Variants in EPHB2 observed in about 807,000 individuals in gnomAD.
EPHB2 encodes the protein ephrin type-B receptor 2.
Under a neutral mutation model 96.4 loss-of-function variants are expected in EPHB2, and 18 were observed. The observed-to-expected ratio is 0.19, with a 90% CI of 0.13 to 0.28. The LOEUF (loss-of-function observed/expected upper bound fraction) is 0.28, where lower values mean the gene tolerates loss of function less well. Ranked by LOEUF, EPHB2 falls within the 10% of genes least tolerant of loss-of-function variation. EPHB2 has a pLI of 1.00. For missense variants in EPHB2, 989 were observed against 1,355.4 expected, an observed-to-expected ratio of 0.73 and a Z score of 4.25; for synonymous variants, 506 against 534.1, an observed-to-expected ratio of 0.95 and a Z score of 0.72.
At chr1:22,840,171 A>G (rs1169809501) in intron 3 of EPHB2, among the ~76,000 whole-genome samples, 1 of 152,214 alleles carries the variant, frequency 6.6e-6, no homozygotes, top group Non-Finnish European at 1.5e-5. Context: ...TGGGAGAAAT[A>G]GTGCCAAACT....
chr1:22,887,369 T>C (rs1011059608), intron 6 of EPHB2, among the ~76,000 whole-genome samples: 6 of 152,158 alleles, frequency 3.9e-5, no homozygotes, highest in Admixed American at 3.9e-4. Flanking sequence ...TTGTGTCTGC[T>C]ATTAGATTCT....
At position 22,914,075 on chromosome 1, in the gene EPHB2, G is replaced by C; in HGVS notation, c.*505G>C. The C allele has an allele frequency of 1.6e-6, 1 of 607,356 alleles. No homozygotes were observed. The highest frequency in any genetic ancestry group is 2.7e-6 in the Non-Finnish European group (1 of 366,774). 37.6% of individuals were successfully genotyped at this position (607,356 alleles called of 1,614,324 possible). On this transcript the variant is annotated 3_prime_UTR_variant, in exon 16 of 16. Transcript: ENST00000374630. ...CAACAACCAAGCGCCTGGAGGACGG[G>C]ACAGATGGACAGACAGCCACCCTGA... is the stretch of plus-strand genomic sequence containing the variant.
intron 1 of EPHB2, among the ~76,000 whole-genome samples, chr1:22,761,741 A>G (rs1327768474): frequency 1.3e-5 from 2 of 152,140 alleles, no homozygotes; most frequent in Non-Finnish European, 1.5e-5. Context: ...GCCCAGTTGA[A>G]GCAGTTGAAG....
intron 1 of EPHB2, among the ~76,000 whole-genome samples, chr1:22,777,509 G>A (rs1347922749): frequency 6.6e-6 from 1 of 152,192 alleles, no homozygotes; most frequent in African/African-American, 2.4e-5. Context: ...GGTGGAAACA[G>A]AGCTTGGTTT....
chr1:22,833,138 G>A (rs1346715414), intron 3 of EPHB2, among the ~76,000 whole-genome samples: 1 of 151,600 alleles, frequency 6.6e-6, no homozygotes, highest in African/African-American at 2.4e-5. Context: ...CTTTTTTTGA[G>A]ACAGAGTCTC....
chr1:22,857,236 T>C (rs1024306307), intron 3 of EPHB2, among the ~76,000 whole-genome samples: 1 of 152,134 alleles, frequency 6.6e-6, no homozygotes, highest in Non-Finnish European at 1.5e-5. Flanking sequence ...ACCACACAAA[T>C]TGGCAAACAC....
chr1:22,913,682 CG>C lies in EPHB2; in HGVS notation c.*115del. ...GGGCCAGCCACTCGCCAGGAGGCCACGGGCCACGGGAAGAACCAAGCGGTGC... is the reference window on the plus strand; with the variant it reads ...GGGCCAGCCACTCGCCAGGAGGCCACGGCCACGGGAAGAACCAAGCGGTGC... On this transcript the variant is annotated 3_prime_UTR_variant, in exon 16 of 16. Coordinates refer to ENST00000374630, the MANE Select transcript of EPHB2 (RefSeq NM_017449.5). The surrounding 1 kb of genome is among the most constrained non-coding windows in gnomAD (Gnocchi z 4.1). 1 of 1,602,742 alleles carries C rather than the reference CG, an allele frequency of 6.2e-7. No individual in the cohort carries two copies. Among genetic ancestry groups the C allele is most frequent in the South Asian group, 1.1e-5 (1 of 89,422 alleles).
At chr1:22,842,321 G>A (rs1011877205) in intron 3 of EPHB2, among the ~76,000 whole-genome samples, 1 of 152,148 alleles carries the variant, frequency 6.6e-6, no homozygotes, top group Non-Finnish European at 1.5e-5. Context: ...TTCCTTTGCA[G>A]AAGGATAACA....
chr1:22,886,950 G>A (rs556073051), intron 6 of EPHB2, among the ~76,000 whole-genome samples: 10 of 152,118 alleles, frequency 6.6e-5, no homozygotes, highest in South Asian at 6.2e-4. Flanking sequence ...TTTAAAGCCC[G>A]GAGGACCCAG....
chr1:22,894,488 T>C (rs1044102050), intron 7 of EPHB2, among the ~76,000 whole-genome samples: 1 of 150,584 alleles, frequency 6.6e-6, no homozygotes, highest in Non-Finnish European at 1.5e-5. Context: ...TCACAGCTGC[T>C]GGAGAGACTG....
chr1:22,834,648 G>A (rs1046139165), intron 3 of EPHB2, among the ~76,000 whole-genome samples: 9 of 152,314 alleles, frequency 5.9e-5, no homozygotes, highest in South Asian at 2.1e-4. Flanking sequence ...GGCAAGGCCA[G>A]GCACGGTGGC....
intron 1 of EPHB2, among the ~76,000 whole-genome samples, chr1:22,778,275 C>A (rs35711504): frequency 3.9e-5 from 6 of 152,096 alleles, no homozygotes; most frequent in African/African-American, 1.2e-4. Flanking sequence ...ATCTCCCCCC[C>A]TCAAAAGGTC....
intron 1 of EPHB2, among the ~76,000 whole-genome samples, chr1:22,769,158 G>A (rs1006661105): frequency 6.6e-6 from 1 of 152,154 alleles, no homozygotes; most frequent in African/African-American, 2.4e-5. Flanking sequence ...ATGGACAACA[G>A]ATTCACAGGC....
intron 11 of EPHB2, 63 bp downstream of exon 11, chr1:22,907,020 G>A: frequency 6.5e-7 from 1 of 1,533,516 alleles, no homozygotes; most frequent in Non-Finnish European, 8.8e-7. Context: ...GATGGACATA[G>A]CTTCATACTG....
intron 3 of EPHB2, among the ~76,000 whole-genome samples, chr1:22,861,855 G>A (rs890330093): frequency 2.0e-5 from 3 of 152,240 alleles, no homozygotes; most frequent in Non-Finnish European, 2.9e-5. Context: ...CAGAGAAGCT[G>A]AGTCACTTGC....
intron 1 of EPHB2, among the ~76,000 whole-genome samples, chr1:22,736,347 T>C (rs1279565145): frequency 6.6e-6 from 1 of 152,148 alleles, no homozygotes; most frequent in Non-Finnish European, 1.5e-5. Flanking sequence ...GAATGAGGCC[T>C]GGTGCTGGGC....
chr1:22,759,421 G>A (rs574458034), intron 1 of EPHB2, among the ~76,000 whole-genome samples: 317 of 152,110 alleles, frequency 2.1e-3, no homozygotes, highest in African/African-American at 7.2e-3. Context: ...TGTTTGCCCC[G>A]GGCCATTCCT....
chr1:22,742,893 CTT>C, intron 1 of EPHB2, among the ~76,000 whole-genome samples: 1 of 147,180 alleles, frequency 6.8e-6, no homozygotes, highest in Non-Finnish European at 1.5e-5. Flanking sequence ...TTATTATGAA[CTT>C]TTTTTTTTTT....
At chr1:22,803,222 T>G (rs1644870629) in intron 3 of EPHB2, among the ~76,000 whole-genome samples, 1 of 152,152 alleles carries the variant, frequency 6.6e-6, no homozygotes. Context: ...CGGGCAGGAC[T>G]GACCCACCTC....
Sources: allele counts gnomAD v4.1 joint callset (sites outside exome capture counted in the v4.1 genomes callset), GRCh38; gene constraint gnomAD v4.1.1; non-coding constraint Gnocchi (gnomAD v3.1); transcripts MANE v1.5; gene names NCBI Gene and HGNC (gene_info 2026-07-23, HGNC 2026-07-21).